Variants in HERC2 observed in about 807,000 individuals in gnomAD.
HERC2 encodes the protein HECT and RLD domain containing E3 ubiquitin protein ligase 2.
In HERC2, 102 loss-of-function variants were observed where a neutral mutation model predicts 537.7. The observed-to-expected ratio is 0.19, with a 90% CI of 0.16 to 0.22. The LOEUF (loss-of-function observed/expected upper bound fraction) is 0.22, where lower values mean the gene tolerates loss of function less well. Among genes scored for constraint, HERC2 ranks in the 10% least tolerant of loss-of-function variants. The pLI, the probability that HERC2 is intolerant of heterozygous loss-of-function variation, is 1.00. For synonymous variants in HERC2, 2,224 were observed against 2,466.2 expected, an observed-to-expected ratio of 0.90 and a Z score of 2.91; for missense variants, 4,236 against 6,198.2, an observed-to-expected ratio of 0.68 and a Z score of 10.63.
intron 3 of HERC2, among the ~76,000 whole-genome samples, chr15:28,298,903 T>G (rs1272423225): frequency 6.6e-6 from 1 of 152,130 alleles, no homozygotes; most frequent in Non-Finnish European, 1.5e-5. Flanking sequence ...TTTATCCACG[T>G]TGATGACTCT....
At chr15:28,295,510 G>C (rs114724919) in intron 3 of HERC2, among the ~76,000 whole-genome samples, 1 of 151,986 alleles carries the variant, frequency 6.6e-6, no homozygotes, top group Non-Finnish European at 1.5e-5. Flanking sequence ...AGTGATTCTC[G>C]TGCCTCAGCC....
rs779056407 is a variant in HERC2 at position 28,141,811 on chromosome 15, G to A, written c.11736C>T (p.Ser3912=). The stretch of plus-strand genomic sequence containing the variant: ...TCTCATGCAGAACATCCATGTTTTC[G>A]CTGTCTGCCATTAATTCACGAATTT... ...AKKIRELMAD[S]ENMDVLHESH... Residue 3912 remains serine (S), a synonymous_variant, in exon 77 of 93, where the codon AGC becomes AGT. Coordinates refer to ENST00000261609, the MANE Select transcript of HERC2 (RefSeq NM_004667.6). 126 of 1,613,820 alleles carry A rather than the reference G, an allele frequency of 7.8e-5. No individual in the cohort carries two copies. The highest frequency in any genetic ancestry group is 1.6e-4 in the Middle Eastern group (1 of 6,084).
chr15:28,262,166 C>G (rs937118552), intron 15 of HERC2, among the ~76,000 whole-genome samples: 1 of 152,172 alleles, frequency 6.6e-6, no homozygotes, highest in African/African-American at 2.4e-5. Context: ...CAACAGTTCT[C>G]GATTAGGATG....
intron 25 of HERC2, among the ~76,000 whole-genome samples, chr15:28,237,491 C>T (rs1902584368): frequency 6.6e-6 from 1 of 152,080 alleles, no homozygotes; most frequent in South Asian, 2.1e-4. Flanking sequence ...GACAAGTATT[C>T]GATGACAAGT....
rs1216408665 is a variant in HERC2, at chr15:28,177,789, A to C, written c.9164-280T>G. Among the ~76,000 whole-genome samples the C allele has an allele frequency of 2.6e-5, 4 of 152,264 alleles. No individual in the cohort carries two copies. The highest frequency in any genetic ancestry group is 5.9e-5 in the Non-Finnish European group (4 of 68,050). ...TATTAATGGGGTTCCTATTATGTTAAATACACGAAAAATCAAAATTTAGAT... is the reference window on the plus strand; with the variant it reads ...TATTAATGGGGTTCCTATTATGTTACATACACGAAAAATCAAAATTTAGAT... On this transcript the variant is annotated intron_variant, in intron 59 of 92. Coordinates refer to ENST00000261609, the MANE Select transcript of HERC2 (RefSeq NM_004667.6). This position sits in a 1 kb window ranked among gnomAD's most constrained non-coding sequence, Gnocchi z 5.0.
chr15:28,116,209 GTCTTT>G (rs1225271226), intron 88 of HERC2, among the ~76,000 whole-genome samples: 2 of 139,806 alleles, frequency 1.4e-5, no homozygotes, highest in African/African-American at 2.5e-5. Context: ...AATATTAAAA[GTCTTT>G]TCTTTTTCTT....
At chr15:28,254,801 C>G (rs2075202393) in intron 19 of HERC2, among the ~76,000 whole-genome samples, 1 of 152,216 alleles carries the variant, frequency 6.6e-6, no homozygotes, top group South Asian at 2.1e-4. Flanking sequence ...GCTACTGGCT[C>G]TCACAAAACC....
At chr15:28,157,643 T>G (rs901879629) in intron 69 of HERC2, among the ~76,000 whole-genome samples, 2 of 152,238 alleles carry the variant, frequency 1.3e-5, no homozygotes, top group African/African-American at 4.8e-5. Flanking sequence ...CTTTTCTTAT[T>G]AGTCTTGCTA....
chr15:28,159,146 C>A (rs1032002419), intron 69 of HERC2, among the ~76,000 whole-genome samples: 1 of 152,166 alleles, frequency 6.6e-6, no homozygotes, highest in Non-Finnish European at 1.5e-5. Flanking sequence ...GTAACCCGAC[C>A]TTTCTCTCTG....
In HERC2 at chr15:28,215,755, T is replaced by A; in HGVS notation, c.6076A>T (p.Thr2026Ser). ...VYREQHRSWC[T>S]LGFVRSIALT... ...GCGATGCTCCGCACAAACCCCAGCG[T>A]GCACCAGCTCCGGTGTTGCTCCCTG... The change falls in exon 39 of 93, where the codon ACG becomes TCG. Residue 2026 changes from threonine (T) to serine (S), a missense_variant. By Grantham distance (58) the Thr-to-Ser change is moderately conservative (BLOSUM62 1). Transcript: ENST00000261609. 3.7e-6 allele frequency: 6 copies of A among 1,612,020 alleles called. No homozygotes were observed. Among genetic ancestry groups the A allele is most frequent in the Non-Finnish European group, 5.1e-6 (6 of 1,179,854 alleles).
Position 28,265,679 on chromosome 15 carries a change from C to A in HERC2, c.1809G>T (p.Leu603=), listed in dbSNP as rs761096093. 1 of 1,614,100 alleles carries A rather than the reference C, an allele frequency of 6.2e-7. No individual in the cohort carries two copies. Among genetic ancestry groups the A allele is most frequent in the African/African-American group, 1.3e-5 (1 of 74,938 alleles). ...TCCCACACGCCACATCGATGACCTT[C>A]AGTCCTTTAAGCCCGGCTACCAGCA... ...IPMLVAGLKG[L]KVIDVACGSG... Residue 603 remains leucine, a synonymous_variant, in exon 14 of 93, where the codon CTG becomes CTT. Transcript: ENST00000261609. The surrounding 1 kb of genome is among the most constrained non-coding windows in gnomAD (Gnocchi z 4.0).
intron 16 of HERC2, among the ~76,000 whole-genome samples, chr15:28,260,442 C>T (rs139712645): frequency 6.6e-6 from 1 of 152,184 alleles, no homozygotes; most frequent in Non-Finnish European, 1.5e-5. Flanking sequence ...AACTGCCTTC[C>T]CCTACAGTCA....
chr15:28,143,929 G>C lies in HERC2; in HGVS notation c.11362C>G (p.Gln3788Glu). The change falls in exon 74 of 93, where the codon CAG becomes GAG. Residue 3788 changes from glutamine (Q) to glutamate (E), a missense_variant. Gln to Glu is a conservative substitution (Grantham distance 29, BLOSUM62 2). Around this residue, in one of 27 missense-constraint regions of HERC2, gnomAD observed 109 missense variants for 133.5 expected, o/e 0.82. Coordinates refer to ENST00000261609, the MANE Select transcript of HERC2 (RefSeq NM_004667.6). The part of the protein sequence containing the change: ...LRKLLTTEFG[Q>E]SININRLLGE... ...AGCAGCCTATTTATGTTAATTGACTGCCCAAATTCAGTTGTAAGCAGCTTC... is the reference window on the plus strand; with the variant it reads ...AGCAGCCTATTTATGTTAATTGACTCCCCAAATTCAGTTGTAAGCAGCTTC... The C allele has an allele frequency of 1.4e-5, 23 of 1,614,078 alleles. No individual in the cohort carries two copies. The highest frequency in any genetic ancestry group is 1.9e-5 in the Non-Finnish European group (23 of 1,179,994).
In HERC2 at chr15:28,228,367, G is replaced by A. The variant is rs756054844; in HGVS notation, c.5315C>T (p.Pro1772Leu). The change falls in exon 35 of 93, where the codon CCG becomes CTG. Residue 1772 changes from proline to leucine, a missense_variant. By Grantham distance (98) the Pro-to-Leu change is moderately conservative. Around this residue, in one of 27 missense-constraint regions of HERC2, gnomAD observed 343 missense variants for 417.2 expected, o/e 0.82. Coordinates refer to ENST00000261609, the MANE Select transcript of HERC2 (RefSeq NM_004667.6). ...GATGGTCCCCAGGCTCGGTCCTGAC[G>A]GGTTCTCATTGGTGATGGTTTGCAG... ...VPLQTITNEN[P>L]SGPSLGTIPQ... The A allele has an allele frequency of 1.8e-5, 29 of 1,611,958 alleles. 1 individual carries two copies. The highest frequency in any genetic ancestry group is 4.4e-4 in the Middle Eastern group (2 of 4,508).
At position 28,265,964 on chromosome 15, in the gene HERC2, C is replaced by T. The variant is rs1314901720; in HGVS notation, c.1609G>A (p.Glu537Lys). The change falls in exon 13 of 93, where the codon GAG (glutamate) becomes AAG (lysine). Residue 537 changes from glutamate to lysine, a missense_variant. Physicochemically the swap from Glu to Lys is moderately conservative, Grantham distance 56 (BLOSUM62 1). This residue lies in a region of HERC2 where 754 missense variants were observed against 1,085.0 expected (regional missense o/e 0.69). Transcript: ENST00000261609. The surrounding 1 kb of genome is among the most constrained non-coding windows in gnomAD (Gnocchi z 4.0). ...GAGAAGGCGGAGATCACCTTAGGCT[C>T]CTCCAAAGGCCTTGGGGAGAAAGGG... ...LGHGDTVPLE[E>K]PKVISAFSGK... The T allele has an allele frequency of 1.2e-6, 2 of 1,614,094 alleles. No homozygotes were observed. Among genetic ancestry groups the T allele is most frequent in the Non-Finnish European group, 1.7e-6 (2 of 1,179,992 alleles).
intron 86 of HERC2, chr15:28,117,599 C>G (rs1888417428): frequency 4.3e-6 from 2 of 460,912 alleles, no homozygotes; most frequent in Non-Finnish European, 8.6e-6. Flanking sequence ...AGAACAGACT[C>G]CCGGCACTCA....
At chr15:28,179,935 A>G (rs1006066288) in intron 57 of HERC2, among the ~76,000 whole-genome samples, 2 of 152,230 alleles carry the variant, frequency 1.3e-5, no homozygotes, top group Non-Finnish European at 2.9e-5. Flanking sequence ...AAAAGTGAAA[A>G]GTTCATAAAG....
At chr15:28,151,790 T>C (rs1892482273) in intron 70 of HERC2, among the ~76,000 whole-genome samples, 1 of 151,632 alleles carries the variant, frequency 6.6e-6, no homozygotes, top group Non-Finnish European at 1.5e-5. Context: ...ACAGGTCACC[T>C]TCAAGAAATA....
At chr15:28,184,941 G>C (rs1188753227) in intron 56 of HERC2, among the ~76,000 whole-genome samples, 4 of 148,894 alleles carry the variant, frequency 2.7e-5, no homozygotes, top group African/African-American at 1.0e-4. Context: ...TCTATTGTAG[G>C]GGCAACCCAC....
Sources: gnomAD v4.1 joint callset for allele counts (sites outside exome capture counted in the v4.1 genomes callset) on GRCh38, gnomAD v4.1.1 for gene constraint, gnomAD v4.1.1 regional missense constraint, Gnocchi (gnomAD v3.1) non-coding constraint, MANE v1.5 for transcripts, NCBI Gene and HGNC (gene_info 2026-07-23, HGNC 2026-07-21) for gene names.